The following PTPRG variants were observed in gnomAD, a reference collection of about 807,000 sequenced individuals.
The protein encoded by PTPRG is receptor-type tyrosine-protein phosphatase gamma.
Under a neutral mutation model 165.3 loss-of-function variants are expected in PTPRG, and 102 were observed. That is an observed-to-expected ratio of 0.62 (90% CI 0.53 to 0.73). The LOEUF (loss-of-function observed/expected upper bound fraction) is 0.73. Among genes scored for constraint, PTPRG ranks in the 30% least tolerant of loss-of-function variants. The pLI is 0.00. For synonymous variants in PTPRG, 675 were observed against 669.5 expected (o/e 1.01, Z -0.13); for missense variants, 1,866 against 1,861.4 (o/e 1.00, Z -0.05).
chr3:61,826,834 T>G (rs1432354829), intron 2 of PTPRG, among the ~76,000 whole-genome samples: 1 of 150,552 alleles, frequency 6.6e-6, no homozygotes, highest in African/African-American at 2.4e-5. Context: ...TGGAAAGGTT[T>G]TTTTTTTTTT....
At chr3:61,966,195 A>C (rs898432036) in intron 2 of PTPRG, among the ~76,000 whole-genome samples, 1 of 152,196 alleles carries the variant, frequency 6.6e-6, no homozygotes, top group Non-Finnish European at 1.5e-5. Context: ...ATCATCTCGC[A>C]TGCTTAACTA....
intron 5 of PTPRG, among the ~76,000 whole-genome samples, chr3:62,116,002 AT>A (rs1356948002): frequency 2.0e-5 from 3 of 152,164 alleles, no homozygotes; most frequent in Non-Finnish European, 4.4e-5. Flanking sequence ...CGATAAGTGG[AT>A]TATTGTAGCA....
intron 2 of PTPRG, among the ~76,000 whole-genome samples, chr3:61,832,440 G>C (rs992032141): frequency 6.6e-6 from 1 of 152,222 alleles, no homozygotes; most frequent in South Asian, 2.1e-4. Flanking sequence ...GAGTGGGTAA[G>C]CATCTGGGGC....
At chr3:61,724,989 A>G (rs141542701) in intron 1 of PTPRG, among the ~76,000 whole-genome samples, 6 of 152,256 alleles carry the variant, frequency 3.9e-5, no homozygotes, top group African/African-American at 1.4e-4. Context: ...ATGAAATCGA[A>G]TTGATTGATT....
chr3:61,629,278 CT>C (rs1225233348), intron 1 of PTPRG, among the ~76,000 whole-genome samples: 2 of 152,192 alleles, frequency 1.3e-5, no homozygotes, highest in Non-Finnish European at 2.9e-5. Context: ...CCTCAGCCTC[CT>C]GAGTAGCTGG....
chr3:61,916,866 CTT>C (rs1298485061), intron 2 of PTPRG, among the ~76,000 whole-genome samples: 1 of 152,180 alleles, frequency 6.6e-6, no homozygotes, highest in Non-Finnish European at 1.5e-5. Context: ...TTTAATCACT[CTT>C]GATAAAAATC....
intron 2 of PTPRG, among the ~76,000 whole-genome samples, chr3:61,932,800 C>G (rs1044732594): frequency 6.6e-6 from 1 of 152,178 alleles, no homozygotes; most frequent in Non-Finnish European, 1.5e-5. Context: ...TTGCTTTGAT[C>G]TTGATTGGCT....
intron 1 of PTPRG, among the ~76,000 whole-genome samples, chr3:61,604,777 G>A (rs1230381730): frequency 6.6e-6 from 1 of 151,978 alleles, no homozygotes; most frequent in Non-Finnish European, 1.5e-5. Flanking sequence ...GCTGTGCCAC[G>A]GCCACATGGA....
chr3:62,092,460 G>A (rs74757320), intron 5 of PTPRG, among the ~76,000 whole-genome samples: 2,328 of 84,392 alleles, frequency 0.028, 92 homozygotes, highest in African/African-American at 0.098. Flanking sequence ...AAAAAAAAAA[G>A]AAAAAGACAA....
rs527264028 is a variant in PTPRG, at chr3:62,246,570, C to T, written c.2467+2672C>T. ...TTCTTCTTTAGTTATAGCAGTACAA[C>T]GGTGTCTCATAAAAGAAAAACACAA... is the stretch of plus-strand genomic sequence containing the variant. On this transcript the variant is annotated intron_variant, in intron 15 of 29. Transcript: ENST00000474889. 1.6e-3 allele frequency among the ~76,000 whole-genome samples: 250 copies of T among 152,184 alleles called. 1 individual carries two copies. The highest frequency in any genetic ancestry group is 5.7e-3 in the African/African-American group (237 of 41,566).
intron 1 of PTPRG, among the ~76,000 whole-genome samples, chr3:61,613,195 T>G (rs1701221200): frequency 6.6e-6 from 1 of 152,202 alleles, no homozygotes. Context: ...CTTTTTCTAT[T>G]TTTAAGAGGA....
chr3:62,195,127 G>C lies in PTPRG; in HGVS notation c.1284G>C (p.Arg428=). The C allele has an allele frequency of 6.2e-7, 1 of 1,614,190 alleles. No homozygotes were observed. The highest frequency in any genetic ancestry group is 8.5e-7 in the Non-Finnish European group (1 of 1,180,038). ...LYLFRVQAVC[R]NDMRSDFSQT... ...TGTTCCGAGTCCAGGCCGTGTGTCG[G>C]AACGACATGCGCAGCGACTTTAGCC... Residue 428 remains arginine (R), a synonymous_variant, in exon 10 of 30, where the codon CGG becomes CGC. Transcript: ENST00000474889. This position sits in a 1 kb window ranked among gnomAD's most constrained non-coding sequence, Gnocchi z 4.4.
chr3:62,153,573 A>C (rs544786018), intron 6 of PTPRG, among the ~76,000 whole-genome samples: 11 of 152,334 alleles, frequency 7.2e-5, no homozygotes, highest in African/African-American at 2.6e-4. Flanking sequence ...AAAAAACAAA[A>C]AGACATGCAC....
intron 1 of PTPRG, among the ~76,000 whole-genome samples, chr3:61,576,678 A>G (rs1024810083): frequency 6.6e-6 from 1 of 152,224 alleles, no homozygotes; most frequent in Admixed American, 6.5e-5. Context: ...AGCATGAGAA[A>G]GAGAGGTGTA....
At chr3:61,925,572 C>T (rs771767243) in intron 2 of PTPRG, among the ~76,000 whole-genome samples, 2 of 152,070 alleles carry the variant, frequency 1.3e-5, no homozygotes, top group Non-Finnish European at 2.9e-5. Context: ...GGTGAAACCT[C>T]ATCTCTACAA....
rs1702132641 is a variant in PTPRG at position 62,273,243 on chromosome 3, A to T, written c.3318+162A>T. 6.6e-6 allele frequency among the ~76,000 whole-genome samples: 1 copy of T among 152,230 alleles called. No individual in the cohort carries two copies. Among genetic ancestry groups the T allele is most frequent in the Non-Finnish European group, 1.5e-5 (1 of 68,050 alleles). On this transcript the variant is annotated intron_variant, in intron 22 of 29. Coordinates refer to ENST00000474889, the MANE Select transcript of PTPRG (RefSeq NM_002841.4). The surrounding 1 kb of genome is among the most constrained non-coding windows in gnomAD (Gnocchi z 4.1). ...ACAATGATCCTATTCTACGGATCAC[A>T]GTTTTCCATTTCTGTATGGATCTTA...
At chr3:61,648,418 C>T (rs919236732) in intron 1 of PTPRG, among the ~76,000 whole-genome samples, 1 of 152,212 alleles carries the variant, frequency 6.6e-6, no homozygotes, top group Non-Finnish European at 1.5e-5. Context: ...TGGAAGACAC[C>T]TAGCTTGCTC....
At chr3:62,109,493 T>C (rs950817998) in intron 5 of PTPRG, among the ~76,000 whole-genome samples, 2 of 152,336 alleles carry the variant, frequency 1.3e-5, no homozygotes, top group African/African-American at 4.8e-5. Context: ...CCTCCAGCTT[T>C]GTTCTTCTTG....
intron 1 of PTPRG, among the ~76,000 whole-genome samples, chr3:61,698,620 C>T (rs2030747559): frequency 6.6e-6 from 1 of 151,986 alleles, no homozygotes; most frequent in Non-Finnish European, 1.5e-5. Context: ...TTTCAGATCT[C>T]CTTTATACTC....
Sources: gnomAD v4.1 joint callset for allele counts (sites outside exome capture counted in the v4.1 genomes callset) on GRCh38, gnomAD v4.1.1 for gene constraint, Gnocchi (gnomAD v3.1) non-coding constraint, MANE v1.5 for transcripts, NCBI Gene and HGNC (gene_info 2026-07-23, HGNC 2026-07-21) for gene names.